The following TENM2 variants were observed in gnomAD, a reference collection of about 807,000 sequenced individuals.
TENM2 encodes the protein teneurin transmembrane protein 2, also known as teneurin-2.
TENM2 carries 52 observed loss-of-function variants against 245.2 expected under a neutral mutation model. That is an observed-to-expected ratio of 0.21 (90% CI 0.17 to 0.27). The LOEUF (loss-of-function observed/expected upper bound fraction) is 0.27, where lower values mean the gene tolerates loss of function less well. TENM2 is among the 10% of genes least tolerant of loss of function. The pLI is 1.00. For missense variants in TENM2, 3,046 were observed against 3,666.8 expected (o/e 0.83, Z 4.37); for synonymous variants, 1,363 against 1,438.9 (o/e 0.95, Z 1.19).
the TENM2 span, among the ~76,000 whole-genome samples, chr5:167,130,888 CTTTTTTTTTTTT>C: frequency 1.4e-5 from 1 of 73,358 alleles, no homozygotes; most frequent in Non-Finnish European, 2.4e-5. Context: ...GTGTTAAATG[CTTTTTTTTTTTT>C]TTTTTTTTTT....
chr5:168,014,983 C>A lies in TENM2; in HGVS notation c.1186+21801C>A, dbSNP rs1482356655. On this transcript the variant is annotated intron_variant, in intron 5 of 28. Coordinates refer to ENST00000518659, the Ensembl canonical transcript of TENM2. ...CATTGATCTGTGTAGACTGGTGAAGCTTCATCTGCTTTGCAGGCATTGCTT... is the reference window on the plus strand; with the variant it reads ...CATTGATCTGTGTAGACTGGTGAAGATTCATCTGCTTTGCAGGCATTGCTT... 2.0e-5 allele frequency among the ~76,000 whole-genome samples: 3 copies of A among 152,132 alleles called. No homozygotes were observed. In the East Asian group the frequency reaches 5.8e-4, roughly 29 times the overall value.
At chr5:167,582,731 G>GTATATTTATTAT (rs1775177304) in intron 2 of TENM2, among the ~76,000 whole-genome samples, 1 of 152,122 alleles carries the variant, frequency 6.6e-6, no homozygotes, top group East Asian at 1.9e-4. Flanking sequence ...TATTATAACA[G>GTATATTTATTAT]GCTGTGATTC....
intron 2 of TENM2, among the ~76,000 whole-genome samples, chr5:167,581,026 T>C (rs1239121736): frequency 6.6e-6 from 1 of 152,126 alleles, no homozygotes; most frequent in Non-Finnish European, 1.5e-5. Context: ...AAGAAAACCT[T>C]GATTTCCTCT....
rs559477544 is a variant in TENM2 at position 167,352,096 on chromosome 5, A to G, written c.227-23102A>G. Among the ~76,000 whole-genome samples, 209 of 152,314 alleles carry G rather than the reference A, an allele frequency of 1.4e-3. 1 individual carries two copies. The highest frequency in any genetic ancestry group is 4.7e-3 in the African/African-American group (194 of 41,564). On this transcript the variant is annotated intron_variant, in intron 1 of 28. Transcript: ENST00000518659. ...TTATTTTTTGCTATCATTTATCAAT[A>G]GGTAAATATCACATAAAATCTAGAT...
At chr5:168,165,691 G>A (rs1301359241) in intron 13 of TENM2, among the ~76,000 whole-genome samples, 1 of 121,670 alleles carries the variant, frequency 8.2e-6, no homozygotes, top group Non-Finnish European at 1.6e-5. Context: ...GCAGTCCAAA[G>A]GCAGGGCACA....
chr5:167,174,948 C>A, the TENM2 span, among the ~76,000 whole-genome samples: 1 of 151,428 alleles, frequency 6.6e-6, no homozygotes, highest in African/African-American at 2.4e-5. Flanking sequence ...TGGCTAATTT[C>A]GCTTAGCACA....
At chr5:167,940,890 C>T (rs746808487) in intron 3 of TENM2, among the ~76,000 whole-genome samples, 13 of 152,132 alleles carry the variant, frequency 8.5e-5, no homozygotes, top group Non-Finnish European at 1.5e-4. Flanking sequence ...ATCATCTTAT[C>T]GAGAAGCCTT....
At chr5:167,425,331 G>A (rs187085469) in intron 2 of TENM2, among the ~76,000 whole-genome samples, 14 of 152,288 alleles carry the variant, frequency 9.2e-5, no homozygotes, top group Admixed American at 7.2e-4. Flanking sequence ...CTTGGACTCC[G>A]AGGTCAACAA....
chr5:167,415,284 TA>T (rs1763107924), intron 2 of TENM2, among the ~76,000 whole-genome samples: 1 of 148,762 alleles, frequency 6.7e-6, no homozygotes, highest in Non-Finnish European at 1.5e-5. Context: ...GAAAAAAAAC[TA>T]CTACAGCTTT....
At chr5:167,441,358 G>A (rs1362013786) in intron 2 of TENM2, among the ~76,000 whole-genome samples, 1 of 152,126 alleles carries the variant, frequency 6.6e-6, no homozygotes, top group Non-Finnish European at 1.5e-5. Flanking sequence ...ATTAGCCAAA[G>A]CTGATAATTT....
intron 5 of TENM2, among the ~76,000 whole-genome samples, chr5:168,005,692 C>T (rs965414694): frequency 3.3e-5 from 5 of 152,058 alleles, no homozygotes; most frequent in African/African-American, 4.8e-5. Flanking sequence ...GAGAGACCCC[C>T]AACATGAAAA....
At chr5:167,118,072 A>G in the TENM2 span, among the ~76,000 whole-genome samples, 2 of 152,338 alleles carry the variant, frequency 1.3e-5, no homozygotes, top group South Asian at 4.1e-4. Context: ...TTTCTTTTAT[A>G]TGACTAAGTG....
chr5:167,299,966 G>A (rs1755211933), intron 1 of TENM2, among the ~76,000 whole-genome samples: 1 of 152,164 alleles, frequency 6.6e-6, no homozygotes, highest in African/African-American at 2.4e-5. Context: ...AGCATAGTTT[G>A]TGATTTTTAG....
the TENM2 span, among the ~76,000 whole-genome samples, chr5:167,070,155 TCGCCC>T: frequency 2.1e-5 from 3 of 146,170 alleles, no homozygotes; most frequent in African/African-American, 7.7e-5. Flanking sequence ...TCTCACTCTG[TCGCCC>T]AGGCTGGAGT....
At chr5:167,031,066 G>A in the TENM2 span, among the ~76,000 whole-genome samples, 1 of 152,218 alleles carries the variant, frequency 6.6e-6, no homozygotes, top group East Asian at 1.9e-4. Context: ...AGTGAGCCGC[G>A]TCTTCCGAGA....
intron 2 of TENM2, among the ~76,000 whole-genome samples, chr5:167,864,808 A>G (rs1042443495): frequency 6.6e-6 from 1 of 152,202 alleles, no homozygotes; most frequent in Non-Finnish European, 1.5e-5. Flanking sequence ...CAGATTAAAT[A>G]CAATAATATA....
chr5:167,265,636 G>A, the TENM2 span, among the ~76,000 whole-genome samples: 1 of 152,070 alleles, frequency 6.6e-6, no homozygotes, highest in Non-Finnish European at 1.5e-5. Flanking sequence ...ACTAGAACTA[G>A]GGACTGGAAA....
At chr5:167,986,951 G>T (rs1308508706) in intron 4 of TENM2, among the ~76,000 whole-genome samples, 1 of 152,178 alleles carries the variant, frequency 6.6e-6, no homozygotes, top group African/African-American at 2.4e-5. Context: ...AAATCCTTGG[G>T]TGAATCAAAG....
chr5:168,190,655 C>G, intron 14 of TENM2, 108 bp downstream of exon 16: 1 of 965,282 alleles, frequency 1.0e-6, no homozygotes, highest in Non-Finnish European at 1.6e-6. Flanking sequence ...CTGGAATCTG[C>G]CCCCCTAGAG....
Sources: allele counts gnomAD v4.1 joint callset (sites outside exome capture counted in the v4.1 genomes callset), GRCh38; gene constraint gnomAD v4.1.1; transcripts MANE v1.5; gene names NCBI Gene and HGNC (gene_info 2026-07-23, HGNC 2026-07-21).